WASHC5: variants seen among roughly 807,000 people sequenced by gnomAD.
The protein encoded by WASHC5 is WASH complex subunit 5.
A neutral mutation model predicts 150.4 loss-of-function variants in WASHC5; 101 were observed. The ratio of observed to expected loss-of-function variants is 0.67; its 90% CI spans 0.57 to 0.79. WASHC5 has a LOEUF of 0.79. Ranked by LOEUF, WASHC5 falls within the 30% of genes least tolerant of loss-of-function variation. WASHC5 has a pLI of 0.00. For missense variants in WASHC5, 1,195 were observed against 1,396.3 expected (o/e 0.86, Z 2.30); for synonymous variants, 467 against 491.2 (o/e 0.95, Z 0.65).
Position 125,055,664 on chromosome 8 carries a change from T to A in WASHC5, c.2024A>T (p.Lys675Met). The A allele has an allele frequency of 3.1e-6, 5 of 1,603,402 alleles. No individual in the cohort carries two copies. In the East Asian group the frequency reaches 8.9e-5, roughly 29 times the overall value. ...AAAAATGGAAATAGCATGAGTAAGCTTGGCAACCTATAACAAAGAAAAAGA... is the reference window on the plus strand; with the variant it reads ...AAAAATGGAAATAGCATGAGTAAGCATGGCAACCTATAACAAAGAAAAAGA... ...AQLGPRYEVA[K>M]LTHAISIFTE... Residue 675 changes from lysine (K) to methionine (M), a missense_variant, in exon 17 of 29, where the codon AAG becomes ATG. Coordinates refer to ENST00000318410, the MANE Select transcript of WASHC5 (RefSeq NM_014846.4).
intron 27 of WASHC5, among the ~76,000 whole-genome samples, chr8:125,031,882 A>G (rs1815549155): frequency 1.3e-5 from 2 of 152,184 alleles, no homozygotes; most frequent in African/African-American, 4.8e-5. Flanking sequence ...GAGTGGAATC[A>G]TCTCTTGGCA....
intron 17 of WASHC5, among the ~76,000 whole-genome samples, chr8:125,054,049 G>A (rs779117877): frequency 1.3e-5 from 2 of 152,286 alleles, no homozygotes; most frequent in South Asian, 2.1e-4. Flanking sequence ...CGGTGCATTC[G>A]TACTATGGAT....
At chr8:125,069,334 A>G (rs1257397074) in intron 9 of WASHC5, among the ~76,000 whole-genome samples, 1 of 152,036 alleles carries the variant, frequency 6.6e-6, no homozygotes. Context: ...TACATTTCCT[A>G]CTCTGTGGTA....
chr8:125,089,469 C>A (rs1255292820), intron 1 of WASHC5, among the ~76,000 whole-genome samples: 1 of 152,190 alleles, frequency 6.6e-6, no homozygotes, highest in African/African-American at 2.4e-5. Context: ...ACATTCAAAG[C>A]CATTCTGGGC....
At chr8:125,063,339 A>G (rs1435527345) in intron 11 of WASHC5, among the ~76,000 whole-genome samples, 183 bp downstream of exon 11, 1 of 152,240 alleles carries the variant, frequency 6.6e-6, no homozygotes, top group African/African-American at 2.4e-5. Flanking sequence ...ACATTGCCCA[A>G]GAGAGCAGAG....
At chr8:125,077,371 A>G (rs764441716) in intron 6 of WASHC5, among the ~76,000 whole-genome samples, 1 of 152,178 alleles carries the variant, frequency 6.6e-6, no homozygotes, top group African/African-American at 2.4e-5. Flanking sequence ...GCTGCCCACA[A>G]ACTCCCAATT....
rs560949308 is a variant in WASHC5 at position 125,027,202 on chromosome 8, G to T, written c.3423+1418C>A. Among the ~76,000 whole-genome samples, 44 of 152,044 alleles carry T rather than the reference G, an allele frequency of 2.9e-4. No homozygotes were observed. In the South Asian group the frequency reaches 3.3e-3, roughly 11 times the overall value. The stretch of plus-strand genomic sequence containing the variant: ...TGTTTTCTGATCTCTGTATTATTTT[G>T]ATAGTTTTTCACATGATTCTATTGG... On this transcript the variant is annotated intron_variant, in intron 28 of 28. Coordinates refer to ENST00000318410, the MANE Select transcript of WASHC5 (RefSeq NM_014846.4).
At position 125,081,668 on chromosome 8, in the gene WASHC5, G is replaced by A. The variant is rs1462319941; in HGVS notation, c.511C>T (p.Arg171Ter). 9 of 1,595,892 alleles carry A rather than the reference G, an allele frequency of 5.6e-6. No individual in the cohort carries two copies. Among genetic ancestry groups the A allele is most frequent in the Admixed American group, 5.0e-5 (3 of 59,966 alleles). The change falls in exon 5 of 29, where the codon CGA becomes TGA. Residue 171 changes from arginine (R) to a stop codon, truncating the protein, a stop_gained. Transcript: ENST00000318410. LOFTEE classifies it high-confidence loss of function. ...GTCCTAGCCCAGGAATACCTGTATC[G>A]GTAGTAAGAAACCAGCATCCTCTCT... ...VRERMLVSYYRYSAARSSADS... is the reference protein window; with the variant it reads ...VRERMLVSYY
intron 12 of WASHC5, 49 bp from the exon 13 acceptor site, chr8:125,059,591 G>A (rs2130099495): frequency 7.1e-7 from 1 of 1,411,886 alleles, no homozygotes; most frequent in Admixed American, 1.7e-5. Flanking sequence ...TGGACTCTAT[G>A]GTGCTCATTT....
chr8:125,059,631 C>G, intron 12 of WASHC5, 89 bp from the exon 13 acceptor site: 1 of 876,144 alleles, frequency 1.1e-6, no homozygotes, highest in Non-Finnish European at 1.8e-6. Flanking sequence ...ATAAAGCACA[C>G]TACTTCTGAC....
In WASHC5 at chr8:125,050,669, A is replaced by C; in HGVS notation, c.2098-4T>G. 6.2e-7 allele frequency: 1 copy of C among 1,609,480 alleles called. No homozygotes were observed. Among genetic ancestry groups the C allele is most frequent in the Non-Finnish European group, 8.5e-7 (1 of 1,175,866 alleles). ...CCAGCAACTGCTTTGGATCCACCTA[A>C]GTGCCAATCAAAAGTATTAAATGAT... On this transcript the variant is annotated splice_region_variant and splice_polypyrimidine_tract_variant and intron_variant, in intron 17 of 28. Transcript: ENST00000318410.
chr8:125,082,394 T>A lies in WASHC5; in HGVS notation c.406A>T (p.Lys136Ter), dbSNP rs373543293. ...TCATTATTACTTACTAGAAGTTGTT[T>A]TCCATCTTCATTGAGAAGCACAGTT... ...LETVLLNEDG[K>*]QLLCEALYLY... is the part of the protein sequence containing the mutation. The change falls in exon 4 of 29, where the codon AAA becomes TAA. Residue 136 changes from lysine (K) to a stop codon, truncating the protein, a stop_gained. Transcript: ENST00000318410. LOFTEE classifies it high-confidence loss of function. 45 of 1,545,574 alleles carry A rather than the reference T, an allele frequency of 2.9e-5. No homozygotes were observed. The highest frequency in any genetic ancestry group is 4.0e-5 in the Non-Finnish European group (45 of 1,118,192).
Position 125,043,986 on chromosome 8 carries a change from A to G in WASHC5, c.2770+6T>C, listed in dbSNP as rs2130019658. ...TCCCCGCCTCAGGTAGTTTCAGGAC[A>G]CTCACCGACAATACTTTTTAGGGGA... is the stretch of plus-strand genomic sequence containing the variant. On this transcript the variant is annotated splice_donor_region_variant and intron_variant, in intron 22 of 28. Transcript: ENST00000318410. 5.0e-6 allele frequency: 8 copies of G among 1,607,612 alleles called. No homozygotes were observed. The highest frequency in any genetic ancestry group is 6.8e-6 in the Non-Finnish European group (8 of 1,174,114).
chr8:125,078,795 G>A lies in WASHC5; in HGVS notation c.654C>T (p.Asn218=), dbSNP rs144085283. 2.7e-5 allele frequency: 44 copies of A among 1,613,756 alleles called. No individual in the cohort carries two copies. The highest frequency in any genetic ancestry group is 1.6e-4 in the Middle Eastern group (1 of 6,082). The part of the protein sequence containing the change: ...PESYFQRVPI[N]ESFISMVIGR... ...CAATGACCATACTGATGAAGGATTCGTTGATAGGCACTCTCTGGAAATAGC... is the reference window on the plus strand; with the variant it reads ...CAATGACCATACTGATGAAGGATTCATTGATAGGCACTCTCTGGAAATAGC... Residue 218 remains asparagine (N), a synonymous_variant, in exon 6 of 29, where the codon AAC becomes AAT. Coordinates refer to ENST00000318410, the MANE Select transcript of WASHC5 (RefSeq NM_014846.4).
chr8:125,041,931 T>A (rs185921366), intron 23 of WASHC5, among the ~76,000 whole-genome samples: 1 of 152,344 alleles, frequency 6.6e-6, no homozygotes, highest in East Asian at 1.9e-4. Flanking sequence ...AAACCCTGTA[T>A]CTGGCCCATA....
chr8:125,090,548 T>C (rs1053828997), intron 1 of WASHC5, among the ~76,000 whole-genome samples: 13 of 152,234 alleles, frequency 8.5e-5, no homozygotes, highest in African/African-American at 3.1e-4. Context: ...TCTTATTTTC[T>C]TTTACAAGTG....
At chr8:125,082,245 A>G (rs917551113) in intron 4 of WASHC5, 138 bp downstream of exon 4, 1 of 640,494 alleles carries the variant, frequency 1.6e-6, no homozygotes, top group African/African-American at 1.8e-5. Context: ...TGGACCTGCC[A>G]GTTAGAAGAT....
At chr8:125,030,706 G>C (rs1166777086) in intron 27 of WASHC5, among the ~76,000 whole-genome samples, 1 of 150,594 alleles carries the variant, frequency 6.6e-6, no homozygotes, top group East Asian at 1.9e-4. Context: ...GTCCACAGAG[G>C]GCCCAGAATG....
At chr8:125,046,464 T>A (rs1447769223) in intron 20 of WASHC5, among the ~76,000 whole-genome samples, 1 of 152,202 alleles carries the variant, frequency 6.6e-6, no homozygotes, top group African/African-American at 2.4e-5. Context: ...TGTGATTGGC[T>A]GTATACAAAG....
Sources: gnomAD v4.1 joint callset for allele counts (sites outside exome capture counted in the v4.1 genomes callset) on GRCh38, gnomAD v4.1.1 for gene constraint, MANE v1.5 for transcripts, NCBI Gene and HGNC (gene_info 2026-07-23, HGNC 2026-07-21) for gene names.